DYTN: variants seen among roughly 807,000 people sequenced by gnomAD.
DYTN encodes the protein dystrotelin.
A neutral mutation model predicts 69.6 loss-of-function variants in DYTN; 75 were observed. That is an observed-to-expected ratio of 1.08 (90% CI 0.89 to 1.31). The LOEUF (loss-of-function observed/expected upper bound fraction) is 1.31. Among genes scored for constraint, DYTN ranks in the 50% most tolerant of loss-of-function variants. DYTN has a pLI of 0.00. For missense variants in DYTN, 726 were observed against 688.4 expected, an observed-to-expected ratio of 1.05 and a Z score of -0.61; for synonymous variants, 252 against 249.1, an observed-to-expected ratio of 1.01 and a Z score of -0.11.
intron 2 of DYTN, among the ~76,000 whole-genome samples, chr2:206,709,674 G>A (rs190048339): frequency 1.3e-5 from 2 of 152,018 alleles, no homozygotes; most frequent in African/African-American, 2.4e-5. Context: ...TTTTAGGCAG[G>A]AGGAAAAATA....
At chr2:206,679,595 C>T (rs975402226) in intron 9 of DYTN, among the ~76,000 whole-genome samples, 1 of 152,118 alleles carries the variant, frequency 6.6e-6, no homozygotes, top group Admixed American at 6.6e-5. Context: ...GGTTTCATTC[C>T]TTTATTTAAA....
At chr2:206,692,265 T>TAAA (rs11379805) in intron 9 of DYTN, among the ~76,000 whole-genome samples, 9 of 128,286 alleles carry the variant, frequency 7.0e-5, no homozygotes, top group African/African-American at 2.0e-4. Context: ...ATCTTGTCTC[T>TAAA]AAAAAAAAAA....
chr2:206,707,886 G>A (rs1700042845), intron 2 of DYTN, among the ~76,000 whole-genome samples: 1 of 152,194 alleles, frequency 6.6e-6, no homozygotes, highest in African/African-American at 2.4e-5. Context: ...TCTTCATTAA[G>A]TGGATTGAAT....
chr2:206,654,687 C>T (rs1270224600), intron 11 of DYTN, among the ~76,000 whole-genome samples: 3 of 152,152 alleles, frequency 2.0e-5, no homozygotes, highest in African/African-American at 7.2e-5. Context: ...GTAAACACTT[C>T]TAGGACTCCC....
intron 9 of DYTN, among the ~76,000 whole-genome samples, chr2:206,675,353 G>T (rs888013660): frequency 6.8e-6 from 1 of 147,992 alleles, no homozygotes; most frequent in African/African-American, 2.5e-5. Flanking sequence ...TTTTCAGATT[G>T]TGTGATTGTC....
intron 9 of DYTN, among the ~76,000 whole-genome samples, chr2:206,677,990 A>G (rs6731202): frequency 0.15 from 21,068 of 139,042 alleles, 2,432 homozygotes; most frequent in African/African-American, 0.35. Context: ...ACTCCATCTC[A>G]AAAAAAAAAA....
chr2:206,660,245 T>A (rs542084198), intron 11 of DYTN, among the ~76,000 whole-genome samples: 1 of 152,210 alleles, frequency 6.6e-6, no homozygotes, highest in Non-Finnish European at 1.5e-5. Flanking sequence ...CACCTTTTTA[T>A]AATTTTCCTT....
At chr2:206,708,367 T>C (rs1700047723) in intron 2 of DYTN, among the ~76,000 whole-genome samples, 1 of 152,186 alleles carries the variant, frequency 6.6e-6, no homozygotes, top group African/African-American at 2.4e-5. Context: ...TTAAAACGCT[T>C]CAGCCTGTGA....
intron 9 of DYTN, chr2:206,686,570 G>T (rs1015314804): frequency 1.3e-5 from 2 of 152,264 alleles, no homozygotes; most frequent in African/African-American, 4.8e-5. Flanking sequence ...GCATGAAGAC[G>T]CATGTCGATG....
intron 11 of DYTN, among the ~76,000 whole-genome samples, chr2:206,653,068 G>C (rs180683458): frequency 1.3e-5 from 2 of 152,018 alleles, no homozygotes; most frequent in African/African-American, 4.8e-5. Context: ...AAGGCTAGAG[G>C]GTTCATGCAT....
chr2:206,673,449 G>A lies in DYTN; in HGVS notation c.981-7420C>T, dbSNP rs909460379. Among the ~76,000 whole-genome samples, 12 of 152,146 alleles carry A rather than the reference G, an allele frequency of 7.9e-5. No homozygotes were observed. The South Asian group carries it at 1.9e-3, about 24-fold the overall frequency. ...ATTTTTGTGTTTTTAGTAGAGACGGGGTTTCACCACATTGGCCAGGCTGGT... is the reference window on the plus strand; with the variant it reads ...ATTTTTGTGTTTTTAGTAGAGACGGAGTTTCACCACATTGGCCAGGCTGGT... On this transcript the variant is annotated intron_variant, in intron 9 of 11. Transcript: ENST00000452335.
At chr2:206,708,068 A>C (rs992956014) in intron 2 of DYTN, among the ~76,000 whole-genome samples, 3 of 152,226 alleles carry the variant, frequency 2.0e-5, no homozygotes, top group African/African-American at 7.2e-5. Flanking sequence ...AGAATTCTGC[A>C]ACTCAGTAAT....
intron 11 of DYTN, among the ~76,000 whole-genome samples, chr2:206,661,075 G>GGACACA (rs1699506701): frequency 6.6e-6 from 1 of 152,050 alleles, no homozygotes; most frequent in African/African-American, 2.4e-5. Context: ...GAAAAAATTT[G>GGACACA]GACATAGACA....
In DYTN at chr2:206,707,430, G is replaced by A; in HGVS notation, c.168C>T (p.Ser56=). ...RPSFWEARKH[S]LSVQQLSQAL... is the part of the protein sequence containing the mutation. Reference sequence around the variant, plus strand: ...CCTGAGAAAGTTGCTGCACAGAAAGGGAGTGCTTGCGAGCTTCCCAGAAAC... The same window carrying A: ...CCTGAGAAAGTTGCTGCACAGAAAGAGAGTGCTTGCGAGCTTCCCAGAAAC... The change falls in exon 3 of 12, where the codon TCC becomes TCT. Residue 56 remains serine, a synonymous_variant. Transcript: ENST00000452335. 6.2e-7 allele frequency: 1 copy of A among 1,613,230 alleles called. No homozygotes were observed. Among genetic ancestry groups the A allele is most frequent in the Non-Finnish European group, 8.5e-7 (1 of 1,179,654 alleles).
At chr2:206,709,773 C>T (rs1385709600) in intron 2 of DYTN, among the ~76,000 whole-genome samples, 3 of 152,092 alleles carry the variant, frequency 2.0e-5, no homozygotes, top group Admixed American at 6.5e-5. Flanking sequence ...AATCATTTTA[C>T]GTGAAGTGAT....
rs1699884857 is a variant in DYTN, at chr2:206,693,265, T to A, written c.890A>T (p.Gln297Leu). The A allele has an allele frequency of 6.2e-7, 1 of 1,613,530 alleles. No individual in the cohort carries two copies. The highest frequency in any genetic ancestry group is 1.7e-5 in the Admixed American group (1 of 60,006). The change falls in exon 9 of 12, where the codon CAG (glutamine) becomes CTG (leucine). Residue 297 changes from glutamine to leucine, a missense_variant. Gln to Leu is a moderately radical substitution (Grantham distance 113). Transcript: ENST00000452335. ...LFRTLRNNLL[Q>L]GRCRKKEAAR... ...TGCTTCTTTCTTCCTACAGCGCCCCTGAAGAAGGTTGTTTCTGAGGGTCCT... is the reference window on the plus strand; with the variant it reads ...TGCTTCTTTCTTCCTACAGCGCCCCAGAAGAAGGTTGTTTCTGAGGGTCCT...
intron 10 of DYTN, 142 bp downstream of exon 10, chr2:206,665,728 G>A: frequency 1.1e-6 from 1 of 929,372 alleles, no homozygotes. Flanking sequence ...GCCTGGATGA[G>A]GAAATGGGAG....
intron 3 of DYTN, 85 bp downstream of exon 3, chr2:206,707,217 A>T (rs1700035831): frequency 3.4e-6 from 5 of 1,491,574 alleles, no homozygotes; most frequent in Admixed American, 2.1e-5. Flanking sequence ...AACCTCAAGC[A>T]AATATTAGCC....
At chr2:206,698,150 T>C (rs1229053392) in intron 7 of DYTN, among the ~76,000 whole-genome samples, 1 of 152,150 alleles carries the variant, frequency 6.6e-6, no homozygotes, top group Non-Finnish European at 1.5e-5. Context: ...AAATAATTTA[T>C]TTTTCTTTGT....
Sources: gnomAD v4.1 joint callset for allele counts (sites outside exome capture counted in the v4.1 genomes callset) on GRCh38, gnomAD v4.1.1 for gene constraint, MANE v1.5 for transcripts, NCBI Gene and HGNC (gene_info 2026-07-23, HGNC 2026-07-21) for gene names.